Variants in GPHN observed in about 807,000 individuals in gnomAD.
GPHN encodes gephyrin.
Under a neutral mutation model 95.5 loss-of-function variants are expected in GPHN, and 17 were observed. The ratio of observed to expected loss-of-function variants is 0.18; its 90% CI spans 0.12 to 0.27. The LOEUF (loss-of-function observed/expected upper bound fraction) is 0.27, where lower values mean the gene tolerates loss of function less well. GPHN is among the 10% of genes least tolerant of loss of function. The pLI, the probability that GPHN is intolerant of heterozygous loss-of-function variation, is 1.00. For missense variants in GPHN, 660 were observed against 978.1 expected, an observed-to-expected ratio of 0.67 and a Z score of 4.34; for synonymous variants, 320 against 322.5, an observed-to-expected ratio of 0.99 and a Z score of 0.08.
chr14:67,660,044 T>C, the GPHN span: 4 of 1,025,192 alleles, frequency 3.9e-6, no homozygotes, highest in Non-Finnish European at 2.8e-6. Flanking sequence ...AATAACCATA[T>C]GCTCCATGAG....
intron 2 of GPHN, among the ~76,000 whole-genome samples, chr14:66,741,710 A>C (rs1023044065): frequency 5.9e-5 from 9 of 152,180 alleles, no homozygotes; most frequent in African/African-American, 2.2e-4. Flanking sequence ...AGCTGACATC[A>C]AATTATTTCT....
chr14:66,684,691 A>T (rs557042013), intron 2 of GPHN, among the ~76,000 whole-genome samples: 1 of 152,114 alleles, frequency 6.6e-6, no homozygotes, highest in Non-Finnish European at 1.5e-5. Context: ...GGAGAAAAAA[A>T]TTTTGAGAAA....
the GPHN span, among the ~76,000 whole-genome samples, chr14:67,306,445 A>G: frequency 6.6e-6 from 1 of 151,740 alleles, no homozygotes; most frequent in Non-Finnish European, 1.5e-5. Flanking sequence ...CCTGTGTTCA[A>G]GCATTCTCCT....
chr14:67,304,654 G>A, the GPHN span, among the ~76,000 whole-genome samples: 146 of 152,134 alleles, frequency 9.6e-4, 1 homozygote, highest in Non-Finnish European at 1.8e-3. Context: ...TGAGGGAATG[G>A]TGATTACTAA....
At chr14:66,667,681 C>A (rs1311657583) in intron 1 of GPHN, among the ~76,000 whole-genome samples, 1 of 152,066 alleles carries the variant, frequency 6.6e-6, no homozygotes, top group Non-Finnish European at 1.5e-5. Flanking sequence ...AAGTGTAAAA[C>A]CCGAAACTAT....
At chr14:67,618,581 A>G in the GPHN span, among the ~76,000 whole-genome samples, 1 of 151,364 alleles carries the variant, frequency 6.6e-6, no homozygotes. Context: ...GCGTCTCACT[A>G]TGCTGCCCAG....
rs567751106 is a variant in GPHN at position 66,528,945 on chromosome 14, G to A, written c.64+20354G>A. ...TGAATCTGTCGATTATGTGTCTTGGGGTTGCTCTTCTCAAGTAGTATCTTT... is the reference window on the plus strand; with the variant it reads ...TGAATCTGTCGATTATGTGTCTTGGAGTTGCTCTTCTCAAGTAGTATCTTT... On this transcript the variant is annotated intron_variant, in intron 1 of 22. Coordinates refer to ENST00000478722, the MANE Select transcript of GPHN (RefSeq NM_020806.5). Among the ~76,000 whole-genome samples, 28 of 152,114 alleles carry A rather than the reference G, an allele frequency of 1.8e-4. No homozygotes were observed. In the South Asian group the frequency reaches 4.2e-3, roughly 23 times the overall value.
intron 2 of GPHN, among the ~76,000 whole-genome samples, chr14:66,730,913 C>T (rs1414223451): frequency 1.3e-5 from 2 of 152,158 alleles, no homozygotes; most frequent in African/African-American, 4.8e-5. Context: ...AGGGAAGGAC[C>T]TGTAATCTTC....
intron 4 of GPHN, chr14:66,842,542 G>A (rs1596109542): frequency 3.2e-6 from 2 of 624,638 alleles, no homozygotes; most frequent in East Asian, 2.8e-5. Flanking sequence ...ACTCAGAAAT[G>A]GTTTCATTCT....
intron 4 of GPHN, among the ~76,000 whole-genome samples, chr14:66,833,618 G>A (rs1423933354): frequency 2.0e-5 from 3 of 150,922 alleles, no homozygotes; most frequent in African/African-American, 7.3e-5. Context: ...ACATTCCTCA[G>A]TAGGACTAAC....
At chr14:67,212,663 TTTACACATACATACA>T in the GPHN span, among the ~76,000 whole-genome samples, 4 of 147,220 alleles carry the variant, frequency 2.7e-5, no homozygotes, top group Non-Finnish European at 4.5e-5. Flanking sequence ...ATAATATATA[TTTACACATACATACA>T]AATAAATGTA....
chr14:67,708,719 T>C, the GPHN span, among the ~76,000 whole-genome samples: 3 of 152,090 alleles, frequency 2.0e-5, no homozygotes, highest in African/African-American at 7.2e-5. Context: ...TATTTGACTA[T>C]GCTTCCTGTA....
At chr14:67,591,416 A>G in the GPHN span, among the ~76,000 whole-genome samples, 1 of 152,252 alleles carries the variant, frequency 6.6e-6, no homozygotes, top group African/African-American at 2.4e-5. Flanking sequence ...AATGCAAAAT[A>G]ATTTTTGGCT....
the GPHN span, among the ~76,000 whole-genome samples, chr14:67,531,911 A>C: frequency 2.0e-4 from 9 of 44,204 alleles, no homozygotes; most frequent in East Asian, 3.4e-3. Context: ...ACCTATGTCC[A>C]AAAAAAAAAA....
At chr14:67,120,639 A>C (rs1364632805) in intron 16 of GPHN, among the ~76,000 whole-genome samples, 4 of 152,252 alleles carry the variant, frequency 2.6e-5, no homozygotes, top group African/African-American at 9.6e-5. Flanking sequence ...TGATATAATC[A>C]CACATTTTTC....
chr14:67,584,062 C>A, the GPHN span: 1 of 1,613,858 alleles, frequency 6.2e-7, no homozygotes, highest in African/African-American at 1.3e-5. Context: ...TGAGTGCATC[C>A]GCATCTACCT....
At chr14:67,590,014 A>C in the GPHN span, 1 of 1,492,034 alleles carries the variant, frequency 6.7e-7, no homozygotes, top group Admixed American at 2.4e-5. Flanking sequence ...AGTACGGAAA[A>C]CCAGCCCCTA....
chr14:66,854,799 C>T (rs2062729526), intron 4 of GPHN, among the ~76,000 whole-genome samples: 1 of 149,976 alleles, frequency 6.7e-6, no homozygotes, highest in Non-Finnish European at 1.5e-5. Flanking sequence ...CATTTATTTT[C>T]TAAATTGTGG....
At chr14:67,391,271 ATGTG>A in the GPHN span, among the ~76,000 whole-genome samples, 763 of 143,858 alleles carry the variant, frequency 5.3e-3, 4 homozygotes, top group South Asian at 0.013. Flanking sequence ...AGCAGCTGAT[ATGTG>A]TGTGTGTGTG....
Sources: gnomAD v4.1 joint callset for allele counts (sites outside exome capture counted in the v4.1 genomes callset) on GRCh38, gnomAD v4.1.1 for gene constraint, MANE v1.5 for transcripts, NCBI Gene and HGNC (gene_info 2026-07-23, HGNC 2026-07-21) for gene names.